CADM1: variants seen among roughly 807,000 people sequenced by gnomAD.
CADM1 encodes cell adhesion molecule 1.
A neutral mutation model predicts 53.1 loss-of-function variants in CADM1; 15 were observed. The ratio of observed to expected loss-of-function variants is 0.28; its 90% CI spans 0.19 to 0.44. The LOEUF (loss-of-function observed/expected upper bound fraction) is 0.44, where lower values mean the gene tolerates loss of function less well. Among genes scored for constraint, CADM1 ranks in the 20% least tolerant of loss-of-function variants. The probability of loss-of-function intolerance (pLI) is 1.00; values close to 1 mark genes in which losing one functional copy is unlikely to be tolerated. For missense variants in CADM1, 434 were observed against 611.3 expected (o/e 0.71, Z 3.06); for synonymous variants, 281 against 243.0 (o/e 1.16, Z -1.45).
At chr11:115,410,926 C>G (rs1947445632) in intron 1 of CADM1, among the ~76,000 whole-genome samples, 1 of 152,022 alleles carries the variant, frequency 6.6e-6, no homozygotes, top group African/African-American at 2.4e-5. Flanking sequence ...GCTGCCATGA[C>G]CATAAAAAGG....
At chr11:115,322,298 A>C (rs1244763934) in intron 1 of CADM1, among the ~76,000 whole-genome samples, 1 of 152,252 alleles carries the variant, frequency 6.6e-6, no homozygotes, top group African/African-American at 2.4e-5. Flanking sequence ...CATTGTGTTT[A>C]GCATTTTGGA....
At chr11:115,404,392 C>T (rs1209402811) in intron 1 of CADM1, among the ~76,000 whole-genome samples, 1 of 100,776 alleles carries the variant, frequency 9.9e-6, no homozygotes, top group East Asian at 3.4e-4. Flanking sequence ...TATATATGGC[C>T]CATTTGCATA....
intron 1 of CADM1, among the ~76,000 whole-genome samples, chr11:115,448,785 T>C (rs1260192888): frequency 1.3e-5 from 2 of 152,154 alleles, no homozygotes; most frequent in African/African-American, 4.8e-5. Context: ...AATTCTTGGG[T>C]AAAGGAGTAT....
intron 1 of CADM1, among the ~76,000 whole-genome samples, chr11:115,496,015 G>T (rs1010559156): frequency 2.6e-5 from 4 of 152,106 alleles, no homozygotes; most frequent in Admixed American, 1.3e-4. Flanking sequence ...GTCTTACTTT[G>T]ACAGCTTGTA....
chr11:115,250,031 A>C (rs1043169562), intron 1 of CADM1, among the ~76,000 whole-genome samples: 6 of 152,078 alleles, frequency 3.9e-5, no homozygotes, highest in African/African-American at 1.4e-4. Context: ...CAGCCTCCCA[A>C]GTAGCTGGGA....
intron 1 of CADM1, among the ~76,000 whole-genome samples, chr11:115,482,462 T>C (rs1477973569): frequency 1.3e-5 from 2 of 152,148 alleles, no homozygotes; most frequent in Admixed American, 1.3e-4. Flanking sequence ...CACACAGACA[T>C]GCATGCATTT....
intron 8 of CADM1, among the ~76,000 whole-genome samples, chr11:115,208,076 C>A (rs991173973): frequency 1.3e-5 from 2 of 152,172 alleles, no homozygotes; most frequent in African/African-American, 2.4e-5. Context: ...ACTAGGTCAA[C>A]AAACTGAGTT....
chr11:115,203,866 A>G (rs192051332), intron 8 of CADM1, among the ~76,000 whole-genome samples: 19 of 152,286 alleles, frequency 1.2e-4, no homozygotes, highest in Admixed American at 9.2e-4. Flanking sequence ...ATCAGGAAAA[A>G]AAAATGTAGA....
intron 1 of CADM1, among the ~76,000 whole-genome samples, chr11:115,389,207 G>A (rs969279240): frequency 3.9e-5 from 6 of 152,004 alleles, no homozygotes; most frequent in Admixed American, 6.6e-5. Context: ...AATAAGAGGC[G>A]AATCCGTGTA....
At chr11:115,200,246 T>C (rs191890036) in intron 8 of CADM1, among the ~76,000 whole-genome samples, 10 of 152,300 alleles carry the variant, frequency 6.6e-5, no homozygotes, top group Admixed American at 5.2e-4. Flanking sequence ...CAATAAACTG[T>C]ACAGTTGAAA....
At chr11:115,196,110 T>C (rs1443651232) in intron 9 of CADM1, among the ~76,000 whole-genome samples, 1 of 152,150 alleles carries the variant, frequency 6.6e-6, no homozygotes, top group Non-Finnish European at 1.5e-5. Flanking sequence ...TCCAAACTAA[T>C]AGGAAGGCAG....
At chr11:115,289,922 C>A (rs903299495) in intron 1 of CADM1, among the ~76,000 whole-genome samples, 1 of 152,126 alleles carries the variant, frequency 6.6e-6, no homozygotes, top group African/African-American at 2.4e-5. Flanking sequence ...TTGAATTTTG[C>A]TTAACTTAAA....
intron 1 of CADM1, among the ~76,000 whole-genome samples, chr11:115,466,411 T>C (rs1347189498): frequency 6.6e-6 from 1 of 152,206 alleles, no homozygotes; most frequent in Non-Finnish European, 1.5e-5. Flanking sequence ...ATGCCATTCA[T>C]TTACTACAAA....
rs996014164 is a variant in CADM1, at chr11:115,339,378, C to T, written c.125-98958G>A. 2.0e-5 allele frequency among the ~76,000 whole-genome samples: 3 copies of T among 152,062 alleles called. No homozygotes were observed. In the East Asian group the frequency reaches 5.8e-4, roughly 29 times the overall value. The stretch of plus-strand genomic sequence containing the variant: ...ACAATAGCAAAGACTTGAAACCAAC[C>T]CAAATGTCCAACAATGATAGACTGG... On this transcript the variant is annotated intron_variant, in intron 1 of 11. Transcript: ENST00000331581.
chr11:115,285,967 G>C lies in CADM1; in HGVS notation c.125-45547C>G, dbSNP rs1482019350. On this transcript the variant is annotated intron_variant, in intron 1 of 11. Coordinates refer to ENST00000331581, the MANE Select transcript of CADM1 (RefSeq NM_001301043.2). ...TCATCCATAAAATTATCATAGACAT[G>C]GTTGTTTTGAGGGGAAAATGAAATA... 5.5e-4 allele frequency among the ~76,000 whole-genome samples: 83 copies of C among 152,154 alleles called. 1 individual carries two copies. The highest frequency in any genetic ancestry group is 1.5e-5 in the Non-Finnish European group (1 of 68,008).
chr11:115,402,660 T>C (rs924463611), intron 1 of CADM1, among the ~76,000 whole-genome samples: 5 of 152,014 alleles, frequency 3.3e-5, no homozygotes, highest in Admixed American at 6.5e-5. Flanking sequence ...GCTCAAAACA[T>C]GTGAACTGAT....
intron 1 of CADM1, among the ~76,000 whole-genome samples, chr11:115,338,877 ATTTTTTTTTTTTTAAT>A (rs1287178303): frequency 2.9e-4 from 37 of 127,752 alleles, no homozygotes; most frequent in Non-Finnish European, 8.2e-5. Context: ...TATTTTTTTT[ATTTTTTTTTTTTTAAT>A]TTTTTTTTTT....
chr11:115,275,008 C>A (rs1351365241), intron 1 of CADM1, among the ~76,000 whole-genome samples: 1 of 152,182 alleles, frequency 6.6e-6, no homozygotes, highest in Non-Finnish European at 1.5e-5. Context: ...TACATTTCAG[C>A]CACTCTAAAT....
intron 8 of CADM1, among the ~76,000 whole-genome samples, chr11:115,202,425 A>G (rs781048525): frequency 1.3e-5 from 2 of 152,182 alleles, no homozygotes; most frequent in Non-Finnish European, 2.9e-5. Context: ...TTAAATTTAC[A>G]ACCTTAAATA....
Sources: allele counts gnomAD v4.1 joint callset (sites outside exome capture counted in the v4.1 genomes callset), GRCh38; gene constraint gnomAD v4.1.1; transcripts MANE v1.5; gene names NCBI Gene and HGNC (gene_info 2026-07-23, HGNC 2026-07-21).